EPHA6: variants seen among roughly 807,000 people sequenced by gnomAD.
EPHA6 encodes the protein EPH receptor A6, also known as ephrin type-A receptor 6.
In EPHA6, 50 loss-of-function variants were observed where a neutral mutation model predicts 112.0. That is an observed-to-expected ratio of 0.45 (90% CI 0.36 to 0.56). The LOEUF is 0.56. Among genes scored for constraint, EPHA6 ranks in the 20% least tolerant of loss-of-function variants. EPHA6 has a pLI of 0.00. For synonymous variants in EPHA6, 529 were observed against 490.7 expected, an observed-to-expected ratio of 1.08 and a Z score of -1.03; for missense variants, 1,280 against 1,417.4, an observed-to-expected ratio of 0.90 and a Z score of 1.56.
At chr3:97,276,189 C>T (rs1489689141) in intron 5 of EPHA6, among the ~76,000 whole-genome samples, 7 of 152,026 alleles carry the variant, frequency 4.6e-5, no homozygotes, top group Non-Finnish European at 7.4e-5. Flanking sequence ...TTACCCGAAG[C>T]CTGGCATCCA....
At position 97,759,294 on chromosome 3, in the gene EPHA6, A is replaced by G. The variant is rs1024387429; in HGVS notation, c.*10593A>G. 1.2e-4 allele frequency among the ~76,000 whole-genome samples: 18 copies of G among 151,968 alleles called. No homozygotes were observed. The highest frequency in any genetic ancestry group is 3.9e-4 in the African/African-American group (16 of 41,446). On this transcript the variant is annotated 3_prime_UTR_variant, in exon 18 of 18. Transcript: ENST00000389672. ...TGGAGTCAACTATCAACTATGAAAT[A>G]GTGGAGTCAAATCCCAACTGACATG...
At chr3:97,162,319 G>A (rs1488184170) in intron 3 of EPHA6, among the ~76,000 whole-genome samples, 5 of 152,106 alleles carry the variant, frequency 3.3e-5, no homozygotes, top group African/African-American at 4.8e-5. Flanking sequence ...CTTTCCCAAT[G>A]TAATAGATCT....
At chr3:97,708,487 A>G (rs1005831967) in intron 14 of EPHA6, among the ~76,000 whole-genome samples, 1 of 152,256 alleles carries the variant, frequency 6.6e-6, no homozygotes, top group African/African-American at 2.4e-5. Flanking sequence ...TTTAAAAGGG[A>G]AGCAGAGTGT....
chr3:97,664,513 A>G (rs2094192398), intron 14 of EPHA6, among the ~76,000 whole-genome samples: 1 of 152,142 alleles, frequency 6.6e-6, no homozygotes, highest in Non-Finnish European at 1.5e-5. Flanking sequence ...TTCAATTAGG[A>G]AAAGAGGAAG....
chr3:97,069,491 T>C (rs1205257883), intron 3 of EPHA6, among the ~76,000 whole-genome samples: 1 of 152,138 alleles, frequency 6.6e-6, no homozygotes, highest in Non-Finnish European at 1.5e-5. Flanking sequence ...CCTAAGGGTG[T>C]TGCATGTTGT....
At chr3:97,075,102 AATTAT>A in intron 3 of EPHA6, among the ~76,000 whole-genome samples, 1 of 151,924 alleles carries the variant, frequency 6.6e-6, no homozygotes, top group East Asian at 1.9e-4. Flanking sequence ...AAAACAATGG[AATTAT>A]ATTAGTTAGT....
intron 14 of EPHA6, among the ~76,000 whole-genome samples, chr3:97,669,870 G>A (rs888502712): frequency 2.6e-5 from 4 of 152,080 alleles, no homozygotes; most frequent in African/African-American, 9.7e-5. Flanking sequence ...AATTATTCAG[G>A]TGTGAATTAA....
intron 3 of EPHA6, among the ~76,000 whole-genome samples, chr3:97,137,317 G>C (rs1210154086): frequency 1.3e-5 from 2 of 152,078 alleles, no homozygotes; most frequent in Non-Finnish European, 2.9e-5. Context: ...TCCTGCCCCA[G>C]ATTGCTTACC....
At chr3:97,028,095 A>C (rs2044704727) in intron 3 of EPHA6, among the ~76,000 whole-genome samples, 1 of 152,182 alleles carries the variant, frequency 6.6e-6, no homozygotes, top group Non-Finnish European at 1.5e-5. Flanking sequence ...AAATAAAAGC[A>C]TGCGGAGGGT....
rs568788781 is a variant in EPHA6 at position 97,466,414 on chromosome 3, C to T, written c.1895-8938C>T. 43 of 1,603,098 alleles carry T rather than the reference C, an allele frequency of 2.7e-5. No individual in the cohort carries two copies. In the South Asian group the frequency reaches 4.6e-4, roughly 17 times the overall value. On this transcript the variant is annotated intron_variant, in intron 7 of 17. Transcript: ENST00000389672. The stretch of plus-strand genomic sequence containing the variant: ...TATTTTCTCTTGGTTCATTATATTC[C>T]ATAGGACTCTCCATTTCAAGTGACA...
chr3:96,829,952 CACA>C (rs2107268062), intron 1 of EPHA6, among the ~76,000 whole-genome samples: 1 of 100,244 alleles, frequency 1.0e-5, no homozygotes. Context: ...CGCGCGCGCA[CACA>C]CACACACACA....
chr3:97,388,564 G>A (rs2086206087), intron 5 of EPHA6, among the ~76,000 whole-genome samples: 1 of 152,078 alleles, frequency 6.6e-6, no homozygotes, highest in Non-Finnish European at 1.5e-5. Flanking sequence ...AGGAGGATGG[G>A]TGAGAGATAT....
intron 11 of EPHA6, among the ~76,000 whole-genome samples, chr3:97,585,617 TTAAAAA>T (rs1249799858): frequency 6.6e-6 from 1 of 151,630 alleles, no homozygotes; most frequent in Admixed American, 6.6e-5. Context: ...TTTTTTTAAG[TTAAAAA>T]TAAAACAGTA....
At chr3:96,857,392 C>G (rs1480693624) in intron 1 of EPHA6, among the ~76,000 whole-genome samples, 1 of 152,092 alleles carries the variant, frequency 6.6e-6, no homozygotes, top group Non-Finnish European at 1.5e-5. Context: ...CCATGCTGCT[C>G]TTGGCATGGG....
At chr3:97,740,536 C>A (rs990785070) in intron 16 of EPHA6, among the ~76,000 whole-genome samples, 1 of 152,102 alleles carries the variant, frequency 6.6e-6, no homozygotes, top group African/African-American at 2.4e-5. Flanking sequence ...ACTTTAGCAA[C>A]TGCAACTACC....
intron 1 of EPHA6, among the ~76,000 whole-genome samples, chr3:96,822,492 A>ACTCATTATGCTTCCTGCTATTT (rs1257541782): frequency 2.0e-5 from 3 of 151,628 alleles, no homozygotes; most frequent in African/African-American, 4.8e-5. Flanking sequence ...GTAATTGACA[A>ACTCATTATGCTTCCTGCTATTT]CTCATTATGC....
chr3:97,272,362 C>T lies in EPHA6; in HGVS notation c.1606+28075C>T, dbSNP rs1403657591. ...TACATATGCACACAGTCATGCTTTG[C>T]TGCACGACAGGGATACACTCTAAGA... On this transcript the variant is annotated intron_variant, in intron 5 of 17. Transcript: ENST00000389672. Among the ~76,000 whole-genome samples the T allele has an allele frequency of 2.0e-5, 3 of 151,692 alleles. No homozygotes were observed. The East Asian group carries it at 5.8e-4, about 29-fold the overall frequency.
At chr3:97,602,247 T>C (rs1218568270) in intron 12 of EPHA6, among the ~76,000 whole-genome samples, 4 of 152,066 alleles carry the variant, frequency 2.6e-5, no homozygotes, top group Non-Finnish European at 4.4e-5. Context: ...TATAAACTGA[T>C]GTTTGAGAAA....
At chr3:96,940,344 A>C (rs895793200) in intron 2 of EPHA6, among the ~76,000 whole-genome samples, 1 of 152,218 alleles carries the variant, frequency 6.6e-6, no homozygotes, top group South Asian at 2.1e-4. Flanking sequence ...TCCCTTTACC[A>C]TTATGTAATG....
Sources: gnomAD v4.1 joint callset for allele counts (sites outside exome capture counted in the v4.1 genomes callset) on GRCh38, gnomAD v4.1.1 for gene constraint, MANE v1.5 for transcripts, NCBI Gene and HGNC (gene_info 2026-07-23, HGNC 2026-07-21) for gene names.